STARD13: variants seen among roughly 807,000 people sequenced by gnomAD.
STARD13 encodes StAR related lipid transfer domain containing 13.
STARD13 carries 62 observed loss-of-function variants against 106.4 expected under a neutral mutation model. The ratio of observed to expected loss-of-function variants is 0.58; its 90% CI spans 0.48 to 0.72. The LOEUF (loss-of-function observed/expected upper bound fraction) is 0.72. Ranked by LOEUF, STARD13 falls within the 30% of genes least tolerant of loss-of-function variation. The probability of loss-of-function intolerance (pLI) is 0.00; values close to 1 mark genes in which losing one functional copy is unlikely to be tolerated. For synonymous variants in STARD13, 565 were observed against 553.0 expected (o/e 1.02, Z -0.31); for missense variants, 1,387 against 1,424.0 (o/e 0.97, Z 0.42).
chr13:33,126,794 A>G (rs1174208884), intron 6 of STARD13, among the ~76,000 whole-genome samples: 1 of 152,236 alleles, frequency 6.6e-6, no homozygotes, highest in East Asian at 1.9e-4. Flanking sequence ...TATGTATAAT[A>G]TAAAACATAG....
chr13:33,389,315 G>C, the STARD13 span, among the ~76,000 whole-genome samples: 3 of 152,078 alleles, frequency 2.0e-5, no homozygotes, highest in African/African-American at 7.3e-5. Flanking sequence ...TGTGAAACTG[G>C]TATGTAAGGA....
chr13:33,602,765 A>G, the STARD13 span, among the ~76,000 whole-genome samples: 1 of 152,210 alleles, frequency 6.6e-6, no homozygotes, highest in African/African-American at 2.4e-5. Context: ...AGATTCTCAT[A>G]GGAGCATGAA....
chr13:33,468,790 C>T, the STARD13 span, among the ~76,000 whole-genome samples: 2 of 152,134 alleles, frequency 1.3e-5, no homozygotes, highest in Non-Finnish European at 2.9e-5. Flanking sequence ...AAGACAGTAA[C>T]CTTCTGTTCT....
chr13:33,364,998 G>A, the STARD13 span, among the ~76,000 whole-genome samples: 24,658 of 152,204 alleles, frequency 0.16, 2,138 homozygotes, highest in Middle Eastern at 0.23. Flanking sequence ...ATATAAAAGG[G>A]CTGGAGTAGG....
the STARD13 span, among the ~76,000 whole-genome samples, chr13:33,649,044 C>T: frequency 7.4e-3 from 1,119 of 152,080 alleles, 7 homozygotes; most frequent in Middle Eastern, 0.01. Context: ...TCGCCTGCCT[C>T]GGCCTCCCAA....
chr13:33,484,491 G>T, the STARD13 span, among the ~76,000 whole-genome samples: 2 of 152,014 alleles, frequency 1.3e-5, no homozygotes, highest in South Asian at 2.1e-4. Flanking sequence ...TGACTCAACT[G>T]GTCCTGTAGC....
At chr13:33,109,688 T>A (rs1593849480) in intron 12 of STARD13, among the ~76,000 whole-genome samples, 185 bp downstream of exon 12, 1 of 151,766 alleles carries the variant, frequency 6.6e-6, no homozygotes, top group South Asian at 2.1e-4. Flanking sequence ...GTAGGCTGGG[T>A]GAAAAGACAC....
intron 1 of STARD13, among the ~76,000 whole-genome samples, chr13:33,187,976 C>T (rs193286262): frequency 5.3e-5 from 8 of 152,300 alleles, no homozygotes; most frequent in African/African-American, 1.7e-4. Context: ...TGAGCCACTG[C>T]GCCCAACCTA....
At chr13:33,297,797 C>A (rs1892555310) in intron 1 of STARD13, among the ~76,000 whole-genome samples, 1 of 152,088 alleles carries the variant, frequency 6.6e-6, no homozygotes, top group Non-Finnish European at 1.5e-5. Context: ...GAACCTCAGT[C>A]TTAGTTTATT....
chr13:33,651,789 A>T, the STARD13 span, among the ~76,000 whole-genome samples: 3 of 152,188 alleles, frequency 2.0e-5, no homozygotes, highest in Admixed American at 1.3e-4. Flanking sequence ...CCCCTTCTCT[A>T]GGAGTCTGAA....
the STARD13 span, among the ~76,000 whole-genome samples, chr13:33,596,128 A>C: frequency 6.6e-6 from 1 of 152,192 alleles, no homozygotes; most frequent in Non-Finnish European, 1.5e-5. Flanking sequence ...GGCTATTGTC[A>C]TTAAGGATTG....
In STARD13 at chr13:33,285,732, A is replaced by C; in HGVS notation, c.-94T>G. 6.6e-7 allele frequency: 1 copy of C among 1,521,314 alleles called. No homozygotes were observed. The highest frequency in any genetic ancestry group is 1.3e-5 in the South Asian group (1 of 74,886). The allele number at this position is 1,521,314 out of a possible 1,614,324, so 94.2% of individuals were successfully genotyped here. Reference sequence around the variant, plus strand: ...AAGAGCAAGGCACCCAGCCCAGGACAGCTCAACAGACCCAGCGATTTTTAA... The same window carrying C: ...AAGAGCAAGGCACCCAGCCCAGGACCGCTCAACAGACCCAGCGATTTTTAA... On this transcript the variant is annotated 5_prime_UTR_variant, in exon 1 of 14. Coordinates refer to ENST00000336934, the MANE Select transcript of STARD13 (RefSeq NM_178006.4).
At chr13:33,290,785 A>G (rs895954601) in intron 1 of STARD13, among the ~76,000 whole-genome samples, 5 of 152,204 alleles carry the variant, frequency 3.3e-5, no homozygotes, top group African/African-American at 4.8e-5. Context: ...GACCATTACT[A>G]CACCCACGCA....
chr13:33,173,152 A>G (rs1884163584), intron 1 of STARD13, among the ~76,000 whole-genome samples: 3 of 152,240 alleles, frequency 2.0e-5, no homozygotes, highest in Admixed American at 2.0e-4. Context: ...CTATTAAAGT[A>G]TATCAAAGGT....
intron 1 of STARD13, among the ~76,000 whole-genome samples, chr13:33,191,226 GC>G (rs946055936): frequency 6.6e-6 from 1 of 152,194 alleles, no homozygotes; most frequent in African/African-American, 2.4e-5. Flanking sequence ...ACTTCTGAAT[GC>G]TTTTAATTTA....
chr13:33,309,661 G>A (rs1323118743), intron 1 of STARD13, among the ~76,000 whole-genome samples: 1 of 152,208 alleles, frequency 6.6e-6, no homozygotes, highest in African/African-American at 2.4e-5. Context: ...CAACTGCCCT[G>A]TGTTCAGGAT....
chr13:33,649,513 T>C, the STARD13 span, among the ~76,000 whole-genome samples: 1 of 152,226 alleles, frequency 6.6e-6, no homozygotes, highest in Non-Finnish European at 1.5e-5. Flanking sequence ...TTGTCATTTC[T>C]CTGGCTATAC....
chr13:33,260,668 G>A (rs562054924), intron 1 of STARD13, among the ~76,000 whole-genome samples: 229 of 152,220 alleles, frequency 1.5e-3, no homozygotes, highest in African/African-American at 5.2e-3. Context: ...TACATGTTTT[G>A]TACATCAACT....
the STARD13 span, among the ~76,000 whole-genome samples, chr13:33,652,264 CT>C: frequency 1.0e-3 from 156 of 152,286 alleles, 3 homozygotes; most frequent in East Asian, 0.027. Flanking sequence ...TCAGCTCAGC[CT>C]AATTAGATTC....
Sources: allele counts gnomAD v4.1 joint callset (sites outside exome capture counted in the v4.1 genomes callset), GRCh38; gene constraint gnomAD v4.1.1; transcripts MANE v1.5; gene names NCBI Gene and HGNC (gene_info 2026-07-23, HGNC 2026-07-21).